CREM: variants seen among roughly 807,000 people sequenced by gnomAD.
CREM encodes cAMP responsive element modulator.
Under a neutral mutation model 37.3 loss-of-function variants are expected in CREM, and 13 were observed. That is an observed-to-expected ratio of 0.35 (90% confidence interval 0.23 to 0.55). CREM has a LOEUF of 0.55. Among genes scored for constraint, CREM ranks in the 20% least tolerant of loss-of-function variants. The pLI is 0.88. For synonymous variants in CREM, 124 were observed against 120.2 expected (o/e 1.03, Z -0.21); for missense variants, 296 against 362.3 (o/e 0.82, Z 1.49).
chr10:35,180,990 T>G (rs2094328604), intron 5 of CREM, among the ~76,000 whole-genome samples: 1 of 152,232 alleles, frequency 6.6e-6, no homozygotes, highest in Non-Finnish European at 1.5e-5. Flanking sequence ...TCTCAAAGTG[T>G]TGGGAACCAC....
At chr10:35,131,293 A>T (rs1378920133) in intron 1 of CREM, among the ~76,000 whole-genome samples, 1 of 152,232 alleles carries the variant, frequency 6.6e-6, no homozygotes, top group Non-Finnish European at 1.5e-5. Flanking sequence ...TGAGAATTTC[A>T]CAAAATAAAC....
chr10:35,206,986 G>A lies in CREM; in HGVS notation c.690G>A (p.Leu230=). 6.2e-7 allele frequency: 1 copy of A among 1,614,118 alleles called. No homozygotes were observed. The highest frequency in any genetic ancestry group is 8.5e-7 in the Non-Finnish European group (1 of 1,180,038). The change falls in exon 7 of 8, where the codon TTG becomes TTA. Residue 230 remains leucine (L), a synonymous_variant. Transcript: ENST00000685392. ...TGATGGCTGCATCGCCCGGAAGTTT[G>A]CACAGTCCCCAGCAGCTGGCAGAAG... The part of the protein sequence containing the change: ...GVVMAASPGS[L]HSPQQLAEEA...
At chr10:35,133,835 A>G (rs1162548629) in intron 1 of CREM, among the ~76,000 whole-genome samples, 4 of 152,248 alleles carry the variant, frequency 2.6e-5, no homozygotes, top group African/African-American at 4.8e-5. Context: ...TGGAGTGAAC[A>G]TAAGTGCCTG....
intron 3 of CREM, among the ~76,000 whole-genome samples, chr10:35,158,817 G>GTTTTTTTTTTT (rs1491230780): frequency 6.1e-5 from 4 of 65,046 alleles, no homozygotes; most frequent in African/African-American, 1.8e-4. Context: ...TTGTTGTTTT[G>GTTTTTTTTTTT]TTTGTTTTTT....
At chr10:35,186,964 T>TATA (rs1323404456) in intron 5 of CREM, among the ~76,000 whole-genome samples, 7 of 95,610 alleles carry the variant, frequency 7.3e-5, no homozygotes, top group Non-Finnish European at 9.2e-5. Context: ...TATAAATATA[T>TATA]AATTTATATA....
intron 2 of CREM, among the ~76,000 whole-genome samples, chr10:35,145,908 A>G (rs1388040379): frequency 3.9e-5 from 6 of 152,174 alleles, no homozygotes; most frequent in Non-Finnish European, 5.9e-5. Context: ...TTAAATTCTC[A>G]AGAAAGTTTG....
At chr10:35,128,179 AGATAC>A (rs2088376689) in intron 1 of CREM, among the ~76,000 whole-genome samples, 1 of 152,136 alleles carries the variant, frequency 6.6e-6, no homozygotes, top group Non-Finnish European at 1.5e-5. Context: ...TTTGTATATC[AGATAC>A]CTGAGTTTGA....
intron 5 of CREM, among the ~76,000 whole-genome samples, chr10:35,186,943 T>C (rs1315451316): frequency 1.0e-5 from 1 of 96,758 alleles, no homozygotes; most frequent in Non-Finnish European, 1.8e-5. Flanking sequence ...AAATACAATA[T>C]AAATTATATA....
At chr10:35,182,187 TACACAC>T (rs1047696339) in intron 5 of CREM, among the ~76,000 whole-genome samples, 1 of 152,228 alleles carries the variant, frequency 6.6e-6, no homozygotes, top group African/African-American at 2.4e-5. Flanking sequence ...TAAACATACT[TACACAC>T]ACAACATCCA....
intron 5 of CREM, among the ~76,000 whole-genome samples, chr10:35,184,127 G>T (rs1286159860): frequency 3.9e-5 from 6 of 152,152 alleles, no homozygotes; most frequent in African/African-American, 1.4e-4. Context: ...GCCAGGCTTG[G>T]TGGTTTGTGC....
At chr10:35,141,309 A>C (rs2091393880) in intron 2 of CREM, among the ~76,000 whole-genome samples, 1 of 152,232 alleles carries the variant, frequency 6.6e-6, no homozygotes, top group Non-Finnish European at 1.5e-5. Context: ...GCTACTGAAG[A>C]GTTTTAAGCA....
chr10:35,165,691 C>A (rs181321860), intron 3 of CREM, among the ~76,000 whole-genome samples: 63 of 151,466 alleles, frequency 4.2e-4, no homozygotes, highest in African/African-American at 1.5e-3. Flanking sequence ...AGGTCATGTC[C>A]ATTTTTATAG....
intron 2 of CREM, among the ~76,000 whole-genome samples, chr10:35,141,847 G>C (rs1050737369): frequency 6.6e-6 from 1 of 152,164 alleles, no homozygotes; most frequent in Non-Finnish European, 1.5e-5. Flanking sequence ...GGAATTGTCA[G>C]GGGAGCTTGT....
intron 6 of CREM, chr10:35,195,286 A>G: frequency 2.5e-6 from 4 of 1,571,134 alleles, no homozygotes; most frequent in Non-Finnish European, 3.5e-6. Flanking sequence ...ATTCAGGAAC[A>G]TCTGAGTGTT....
At chr10:35,168,678 T>C (rs906879743) in intron 3 of CREM, among the ~76,000 whole-genome samples, 2 of 152,240 alleles carry the variant, frequency 1.3e-5, no homozygotes, top group Non-Finnish European at 2.9e-5. Flanking sequence ...TGCCCATGCC[T>C]ATGTCCTGAA....
chr10:35,136,599 A>G (rs2090559384), intron 1 of CREM, among the ~76,000 whole-genome samples: 1 of 152,134 alleles, frequency 6.6e-6, no homozygotes, highest in Admixed American at 6.5e-5. Context: ...GAGGTTTGAT[A>G]AACCTGCCTG....
intron 6 of CREM, among the ~76,000 whole-genome samples, chr10:35,206,494 C>T (rs2095527055): frequency 6.6e-6 from 1 of 152,148 alleles, no homozygotes; most frequent in Non-Finnish European, 1.5e-5. Flanking sequence ...TTGAAACTGG[C>T]CATGGTGGAA....
intron 2 of CREM, among the ~76,000 whole-genome samples, chr10:35,147,255 G>A (rs920518097): frequency 1.5e-4 from 23 of 151,788 alleles, no homozygotes; most frequent in African/African-American, 7.2e-5. Flanking sequence ...GGGTTTCACC[G>A]TGTTAGCCAG....
intron 6 of CREM, among the ~76,000 whole-genome samples, chr10:35,204,550 A>G (rs1409017217): frequency 6.6e-6 from 1 of 151,404 alleles, no homozygotes. Flanking sequence ...CAGTAAGCCA[A>G]GATTGCACCA....
Sources: allele counts gnomAD v4.1 joint callset (sites outside exome capture counted in the v4.1 genomes callset), GRCh38; gene constraint gnomAD v4.1.1; transcripts MANE v1.5; gene names NCBI Gene and HGNC (gene_info 2026-07-23, HGNC 2026-07-21).